Variants in MMD observed in about 807,000 individuals in gnomAD.
MMD encodes monocyte to macrophage differentiation associated, also known as monocyte to macrophage differentiation factor.
In MMD, 22 loss-of-function variants were observed where a neutral mutation model predicts 33.6. The observed-to-expected ratio is 0.66, with a 90% confidence interval of 0.47 to 0.94. The LOEUF (loss-of-function observed/expected upper bound fraction) is 0.94. Ranked by LOEUF, MMD falls within the 40% of genes least tolerant of loss-of-function variation. The pLI, the probability that MMD is intolerant of heterozygous loss-of-function variation, is 0.00. For synonymous variants in MMD, 97 were observed against 103.2 expected (o/e 0.94, Z 0.36); for missense variants, 242 against 309.8 (o/e 0.78, Z 1.64).
chr17:55,403,140 T>A, intron 5 of MMD, among the ~76,000 whole-genome samples: 1 of 152,208 alleles, frequency 6.6e-6, no homozygotes, highest in East Asian at 1.9e-4. Flanking sequence ...TCCTAAATGT[T>A]CTGACTTTTT....
At chr17:55,398,376 A>G (rs1907203359) in intron 6 of MMD, among the ~76,000 whole-genome samples, 1 of 151,512 alleles carries the variant, frequency 6.6e-6, no homozygotes. Context: ...ATTCTTCTTC[A>G]TAGTCTCCAG....
chr17:55,397,895 G>C (rs1907169862), intron 6 of MMD, among the ~76,000 whole-genome samples: 1 of 152,038 alleles, frequency 6.6e-6, no homozygotes, highest in African/African-American at 2.4e-5. Flanking sequence ...CATGAATTCT[G>C]ATAAAATGTC....
At chr17:55,411,587 C>T (rs1907765177) in intron 2 of MMD, among the ~76,000 whole-genome samples, 170 bp from the exon 3 acceptor site, 2 of 152,250 alleles carry the variant, frequency 1.3e-5, no homozygotes, top group Non-Finnish European at 1.5e-5. Flanking sequence ...TTAGCTGCTA[C>T]ACTGGAAAGC....
chr17:55,393,001 C>T lies in MMD; in HGVS notation c.*1333G>A, dbSNP rs1353889120. On this transcript the variant is annotated 3_prime_UTR_variant, in exon 7 of 7. Transcript: ENST00000262065. ...CCAAGAATTCCACTGATCATTTGAT[C>T]AGCCCATTACTAGGAAACAGGCAAT... 1 of 152,132 alleles carries T rather than the reference C, an allele frequency of 6.6e-6. No individual in the cohort carries two copies. Among genetic ancestry groups the T allele is most frequent in the Non-Finnish European group, 1.5e-5 (1 of 68,014 alleles). 9.4% of individuals were successfully genotyped at this position (152,132 alleles called of 1,614,324 possible).
At chr17:55,417,494 T>C (rs2143161884) in intron 1 of MMD, among the ~76,000 whole-genome samples, 1 of 152,046 alleles carries the variant, frequency 6.6e-6, no homozygotes, top group Admixed American at 6.6e-5. Flanking sequence ...AGTTTTCCAT[T>C]AGAAACAGAT....
chr17:55,417,747 T>A (rs550524800), intron 1 of MMD, among the ~76,000 whole-genome samples: 2 of 152,130 alleles, frequency 1.3e-5, no homozygotes, highest in African/African-American at 2.4e-5. Context: ...AACAGTGAGT[T>A]GTGATGGCAC....
intron 1 of MMD, among the ~76,000 whole-genome samples, chr17:55,419,478 C>T (rs1403695055): frequency 6.6e-6 from 1 of 152,242 alleles, no homozygotes; most frequent in Non-Finnish European, 1.5e-5. Flanking sequence ...ATAAATCTAT[C>T]AGGAGGGAGG....
At chr17:55,408,797 T>C (rs1907652123) in intron 3 of MMD, among the ~76,000 whole-genome samples, 1 of 152,134 alleles carries the variant, frequency 6.6e-6, no homozygotes, top group Admixed American at 6.5e-5. Flanking sequence ...GGTCAGGAAT[T>C]TGAGACCAGC....
At chr17:55,401,427 A>C (rs1206940125) in intron 6 of MMD, 42 bp downstream of exon 6, 1 of 1,494,340 alleles carries the variant, frequency 6.7e-7, no homozygotes. Context: ...AAGTTCCAGC[A>C]GCTTAAAAGA....
intron 1 of MMD, among the ~76,000 whole-genome samples, chr17:55,419,821 T>C (rs1345540319): frequency 6.6e-6 from 1 of 152,160 alleles, no homozygotes; most frequent in Non-Finnish European, 1.5e-5. Context: ...AACTGTTAAA[T>C]ATCCATTGAG....
intron 2 of MMD, among the ~76,000 whole-genome samples, chr17:55,412,292 T>C (rs1015368108): frequency 3.9e-5 from 6 of 152,184 alleles, no homozygotes; most frequent in Admixed American, 1.3e-4. Flanking sequence ...TTCCACCAAT[T>C]TGAGAGCTAC....
chr17:55,417,962 G>A (rs2143163154), intron 1 of MMD, among the ~76,000 whole-genome samples: 1 of 152,284 alleles, frequency 6.6e-6, no homozygotes, highest in African/African-American at 2.4e-5. Context: ...CAGTCTCAGG[G>A]TGGCATCTTT....
At chr17:55,400,659 A>C (rs1442048176) in intron 6 of MMD, among the ~76,000 whole-genome samples, 1 of 152,208 alleles carries the variant, frequency 6.6e-6, no homozygotes, top group Non-Finnish European at 1.5e-5. Context: ...CAAACGAAAC[A>C]CCTTGGGACC....
chr17:55,404,373 T>A, intron 4 of MMD: 1 of 807,312 alleles, frequency 1.2e-6, no homozygotes, highest in South Asian at 5.7e-5. Flanking sequence ...AAAGAATTAG[T>A]TTCAACATGG....
chr17:55,407,355 C>T (rs1395390766), intron 4 of MMD, among the ~76,000 whole-genome samples: 2 of 151,370 alleles, frequency 1.3e-5, no homozygotes, highest in East Asian at 3.9e-4. Context: ...AATAAGCTTG[C>T]TTTCCTCATA....
chr17:55,407,718 C>T, intron 4 of MMD, 28 bp downstream of exon 4: 1 of 1,578,536 alleles, frequency 6.3e-7, no homozygotes. Flanking sequence ...AAATCACTAC[C>T]TTCGAAAATA....
chr17:55,407,875 C>CGGG, intron 3 of MMD, 55 bp from the exon 4 acceptor site: 1 of 1,238,342 alleles, frequency 8.1e-7, no homozygotes, highest in East Asian at 2.6e-5. Flanking sequence ...ATGGGAAGTA[C>CGGG]GGGTTATCAC....
At chr17:55,400,571 G>T (rs942514605) in intron 6 of MMD, among the ~76,000 whole-genome samples, 2 of 150,470 alleles carry the variant, frequency 1.3e-5, no homozygotes, top group Non-Finnish European at 3.0e-5. Flanking sequence ...AAAAAAAAAG[G>T]TTCTTACAAT....
At chr17:55,401,839 C>T (rs1907341200) in intron 5 of MMD, among the ~76,000 whole-genome samples, 2 of 151,940 alleles carry the variant, frequency 1.3e-5, no homozygotes, top group Admixed American at 1.3e-4. Flanking sequence ...TTTGGGAAGC[C>T]GAGGCGGGCG....
Sources: allele counts gnomAD v4.1 joint callset (sites outside exome capture counted in the v4.1 genomes callset), GRCh38; gene constraint gnomAD v4.1.1; transcripts MANE v1.5; gene names NCBI Gene and HGNC (gene_info 2026-07-23, HGNC 2026-07-21).